F11R: variants seen among roughly 807,000 people sequenced by gnomAD.
F11R encodes F11 receptor.
In F11R, 27 loss-of-function variants were observed where a neutral mutation model predicts 39.3. The ratio of observed to expected loss-of-function variants is 0.69; its 90% CI spans 0.51 to 0.95. F11R has a LOEUF of 0.95. F11R is among the 40% of genes least tolerant of loss of function. The pLI is 0.00. For missense variants in F11R, 335 were observed against 372.7 expected, an observed-to-expected ratio of 0.90 and a Z score of 0.83; for synonymous variants, 131 against 144.9, an observed-to-expected ratio of 0.90 and a Z score of 0.69.
chr1:161,002,261 C>CAAAAAAAAAAAAAAAAAAAA (rs34007325), intron 1 of F11R, among the ~76,000 whole-genome samples: 1 of 68,668 alleles, frequency 1.5e-5, no homozygotes. Flanking sequence ...GACTCAATCT[C>CAAAAAAAAAAAAAAAAAAAA]AAAAAAAAAA....
chr1:161,016,989 C>T (rs575662442), intron 1 of F11R, among the ~76,000 whole-genome samples: 15 of 152,346 alleles, frequency 9.8e-5, no homozygotes, highest in African/African-American at 3.1e-4. Context: ...CTCTCTGAAA[C>T]ATGTGCTGTG....
chr1:161,001,381 G>A (rs765177440), intron 1 of F11R, 28 bp from the exon 2 acceptor site: 3 of 1,594,848 alleles, frequency 1.9e-6, no homozygotes, highest in South Asian at 2.2e-5. Flanking sequence ...GGTGGGCCCT[G>A]TCAGGAGTGG....
intron 1 of F11R, among the ~76,000 whole-genome samples, chr1:161,013,869 G>C (rs549932114): frequency 6.6e-6 from 1 of 152,308 alleles, no homozygotes; most frequent in African/African-American, 2.4e-5. Context: ...TGCAAGGGAA[G>C]GTCGAGCCTT....
chr1:161,003,161 T>C (rs939959126), intron 1 of F11R, among the ~76,000 whole-genome samples: 1 of 150,228 alleles, frequency 6.7e-6, no homozygotes, highest in African/African-American at 2.5e-5. Context: ...TTCGCTCTTG[T>C]TGCCCAGGCT....
At chr1:161,002,276 A>C (rs1240960872) in intron 1 of F11R, among the ~76,000 whole-genome samples, 3 of 151,808 alleles carry the variant, frequency 2.0e-5, no homozygotes, top group Admixed American at 1.3e-4. Flanking sequence ...AAAAAAAAAA[A>C]AAAAAAACAC....
chr1:161,019,685 G>T (rs1649643680), intron 1 of F11R, among the ~76,000 whole-genome samples: 1 of 152,004 alleles, frequency 6.6e-6, no homozygotes. Context: ...TTCTGAAGCA[G>T]TATCCCAAAC....
intron 3 of F11R, 80 bp from the exon 4 acceptor site, chr1:161,000,857 C>G (rs926095946): frequency 6.4e-7 from 1 of 1,561,844 alleles, no homozygotes; most frequent in African/African-American, 1.4e-5. Context: ...ATCCAAGGTA[C>G]GCAAGTGCTC....
rs1036642354 is a variant in F11R at position 160,997,027 on chromosome 1, G to A, written c.*1844C>T. 5.3e-5 allele frequency: 8 copies of A among 152,310 alleles called. No individual in the cohort carries two copies. The highest frequency in any genetic ancestry group is 4.4e-5 in the Non-Finnish European group (3 of 68,022). The allele number at this position is 152,310 out of a possible 1,614,324, so 9.4% of individuals were successfully genotyped here. A position where few individuals can be genotyped will look rare whatever the true frequency, so the allele number is the denominator to read the frequency against. ...GTATATCCTCCACAGAAAGAAAGAA[G>A]CAAAATCAAGCCAAGAGGGCCCTTT... On this transcript the variant is annotated 3_prime_UTR_variant, in exon 10 of 10. Transcript: ENST00000368026.
rs1649716476 is a variant in F11R at position 161,020,805 on chromosome 1, A to G, written c.64+205T>C. ...GCCGTGAGGGGTGCGGTCACAACTCACCAGTGTGGGGGAGGGGAGCCAGCC... is the reference window on the plus strand; with the variant it reads ...GCCGTGAGGGGTGCGGTCACAACTCGCCAGTGTGGGGGAGGGGAGCCAGCC... On this transcript the variant is annotated intron_variant, in intron 1 of 9. Transcript: ENST00000368026. 2.6e-5 allele frequency among the ~76,000 whole-genome samples: 4 copies of G among 152,260 alleles called. No homozygotes were observed. The South Asian group carries it at 8.3e-4, about 32-fold the overall frequency.
chr1:161,014,603 T>G (rs1649347176), intron 1 of F11R, among the ~76,000 whole-genome samples: 1 of 152,186 alleles, frequency 6.6e-6, no homozygotes, highest in African/African-American at 2.4e-5. Flanking sequence ...CCTCAGCTAT[T>G]CAGGAGGCTA....
chr1:161,012,630 T>TTATTTATC (rs1649232547), intron 1 of F11R, among the ~76,000 whole-genome samples: 2 of 151,306 alleles, frequency 1.3e-5, no homozygotes, highest in African/African-American at 4.9e-5. Context: ...ATTTATTTAT[T>TTATTTATC]TATTTATTTT....
In F11R at chr1:160,998,750, G is replaced by T. The variant is rs373180635; in HGVS notation, c.*121C>A. 2.4e-3 allele frequency: 2,169 copies of T among 895,740 alleles called. 17 individuals are homozygous for T. The highest frequency in any genetic ancestry group is 0.012 in the Middle Eastern group (53 of 4,580). The allele number at this position is 895,740 out of a possible 1,614,324, so 55.5% of individuals were successfully genotyped here. ...ATTAAAAACACATCCGAAGAAGTAG[G>T]GGGCCCTGTGGGGTGTAGAAGACAA... On this transcript the variant is annotated 3_prime_UTR_variant, in exon 10 of 10. Coordinates refer to ENST00000368026, the MANE Select transcript of F11R (RefSeq NM_016946.6).
At chr1:161,015,213 G>A (rs1159681008) in intron 1 of F11R, among the ~76,000 whole-genome samples, 3 of 151,072 alleles carry the variant, frequency 2.0e-5, no homozygotes, top group Non-Finnish European at 2.9e-5. Flanking sequence ...TGGCTAACAC[G>A]GTGAAACCCC....
intron 4 of F11R, 80 bp from the exon 5 acceptor site, chr1:161,000,428 C>T: frequency 6.7e-7 from 1 of 1,482,808 alleles, no homozygotes; most frequent in Non-Finnish European, 9.3e-7. Flanking sequence ...AATGGTACCC[C>T]CAACTACTCA....
intron 1 of F11R, among the ~76,000 whole-genome samples, chr1:161,010,184 A>G (rs1407873761): frequency 6.6e-6 from 1 of 151,906 alleles, no homozygotes; most frequent in African/African-American, 2.4e-5. Flanking sequence ...AGTGGCTCAC[A>G]CGTGTAATCC....
intron 1 of F11R, among the ~76,000 whole-genome samples, chr1:161,019,593 CAAAA>C (rs1055209744): frequency 2.1e-5 from 1 of 47,938 alleles, no homozygotes; most frequent in Non-Finnish European, 4.5e-5. Context: ...AACTCTAACT[CAAAA>C]AAAAAAAAAA....
At chr1:161,015,752 G>GCCCCC (rs1447794020) in intron 1 of F11R, among the ~76,000 whole-genome samples, 5 of 151,780 alleles carry the variant, frequency 3.3e-5, no homozygotes, top group Admixed American at 6.6e-5. Context: ...GCCTCTTTTT[G>GCCCCC]TGTCAGAAAG....
At position 161,015,531 on chromosome 1, in the gene F11R, C is replaced by T. The variant is rs1023045898; in HGVS notation, c.64+5479G>A. Among the ~76,000 whole-genome samples, 3 of 149,330 alleles carry T rather than the reference C, an allele frequency of 2.0e-5. No homozygotes were observed. In the East Asian group the frequency reaches 5.8e-4, roughly 29 times the overall value. On this transcript the variant is annotated intron_variant, in intron 1 of 9. Coordinates refer to ENST00000368026, the MANE Select transcript of F11R (RefSeq NM_016946.6). ...ACTTGAACCTGGGAGGCAGAGTCTG[C>T]AGTGAGACAAGATCACGCCACTGGA... is the stretch of plus-strand genomic sequence containing the variant.
chr1:161,016,164 C>T (rs1027674430), intron 1 of F11R, among the ~76,000 whole-genome samples: 17 of 152,008 alleles, frequency 1.1e-4, no homozygotes, highest in Non-Finnish European at 2.1e-4. Flanking sequence ...ATGGTGAAAA[C>T]CCGTCTCTAC....
Sources: allele counts gnomAD v4.1 joint callset (sites outside exome capture counted in the v4.1 genomes callset), GRCh38; gene constraint gnomAD v4.1.1; transcripts MANE v1.5; gene names NCBI Gene and HGNC (gene_info 2026-07-23, HGNC 2026-07-21).